Variants in ACSS3 observed in about 807,000 individuals in gnomAD.
The protein encoded by ACSS3 is acyl-CoA synthetase short-chain family member 3, mitochondrial.
In ACSS3, 64 loss-of-function variants were observed where a neutral mutation model predicts 84.2. That is an observed-to-expected ratio of 0.76 (90% CI 0.62 to 0.94). The LOEUF is 0.94. ACSS3 is among the 40% of genes least tolerant of loss of function. The probability of loss-of-function intolerance (pLI) is 0.00; values close to 1 mark genes in which losing one functional copy is unlikely to be tolerated. For synonymous variants in ACSS3, 317 were observed against 310.1 expected, an observed-to-expected ratio of 1.02 and a Z score of -0.23; for missense variants, 815 against 867.6, an observed-to-expected ratio of 0.94 and a Z score of 0.76.
intron 1 of ACSS3, 51 bp from the exon 2 acceptor site, chr12:81,109,509 C>A: frequency 6.4e-7 from 1 of 1,567,806 alleles, no homozygotes; most frequent in Non-Finnish European, 8.6e-7. Flanking sequence ...CATTAAGTGA[C>A]AATATATTTT....
intron 7 of ACSS3, among the ~76,000 whole-genome samples, chr12:81,173,589 C>A (rs1465274484): frequency 6.6e-6 from 1 of 152,024 alleles, no homozygotes; most frequent in Non-Finnish European, 1.5e-5. Context: ...CTATCTTATA[C>A]CTCATTTATA....
chr12:81,208,797 A>G (rs1228125134), intron 9 of ACSS3, among the ~76,000 whole-genome samples: 1 of 152,256 alleles, frequency 6.6e-6, no homozygotes, highest in African/African-American at 2.4e-5. Flanking sequence ...GCCTCCCGCA[A>G]GCTTTGCTCT....
At chr12:81,199,549 T>G in intron 9 of ACSS3, 105 bp downstream of exon 9, 2 of 1,463,198 alleles carry the variant, frequency 1.4e-6, no homozygotes, top group Non-Finnish European at 1.9e-6. Flanking sequence ...AGACACAAAC[T>G]CGGGATTCGA....
Position 81,120,129 on chromosome 12 carries a change from C to T in ACSS3, c.456+10425C>T, listed in dbSNP as rs12306166. 2.1e-3 allele frequency among the ~76,000 whole-genome samples: 317 copies of T among 152,252 alleles called. 1 individual carries two copies. The highest frequency in any genetic ancestry group is 7.5e-3 in the African/African-American group (311 of 41,546). ...TCCACAGGTGTCCCCTGAAGGTCTG[C>T]AGAAGATTTATCCAAGAGGTGGATT... is the stretch of plus-strand genomic sequence containing the variant. On this transcript the variant is annotated intron_variant, in intron 2 of 15. Transcript: ENST00000548058.
chr12:81,121,662 G>A lies in ACSS3; in HGVS notation c.456+11958G>A, dbSNP rs544861464. ...TATGACAATATTAATTTACTATAAT[G>A]AATGATATTGCTCTACTGGAGCTGA... On this transcript the variant is annotated intron_variant, in intron 2 of 15. Transcript: ENST00000548058. Among the ~76,000 whole-genome samples, 5 of 152,140 alleles carry A rather than the reference G, an allele frequency of 3.3e-5. No individual in the cohort carries two copies. The South Asian group carries it at 1.0e-3, about 32-fold the overall frequency.
At chr12:81,179,296 G>GAAAAA (rs1269398997) in intron 8 of ACSS3, among the ~76,000 whole-genome samples, 8 of 115,918 alleles carry the variant, frequency 6.9e-5, no homozygotes, top group Admixed American at 9.1e-5. Flanking sequence ...AAAAGAAAAA[G>GAAAAA]AAAAAAAAAA....
intron 2 of ACSS3, among the ~76,000 whole-genome samples, chr12:81,128,627 C>T (rs548952639): frequency 5.3e-5 from 8 of 152,218 alleles, no homozygotes; most frequent in East Asian, 1.9e-4. Flanking sequence ...ATTGGGTGAA[C>T]GGCACATGGT....
chr12:81,236,139 C>T (rs1259974832), intron 13 of ACSS3, among the ~76,000 whole-genome samples: 1 of 151,198 alleles, frequency 6.6e-6, no homozygotes, highest in Non-Finnish European at 1.5e-5. Context: ...TTTTGTATTT[C>T]TAATTTGCTG....
chr12:81,237,534 G>A (rs1399789777), intron 13 of ACSS3, among the ~76,000 whole-genome samples: 2 of 151,532 alleles, frequency 1.3e-5, no homozygotes, highest in Non-Finnish European at 3.0e-5. Context: ...CCTGATAAAT[G>A]TCTATTTTAA....
intron 7 of ACSS3, among the ~76,000 whole-genome samples, chr12:81,173,942 GAT>G (rs10540824): frequency 0.68 from 101,805 of 150,772 alleles, 34,458 homozygotes; most frequent in Non-Finnish European, 0.73. Context: ...ACGGATTTTG[GAT>G]ATATATATAT....
At chr12:81,166,963 C>T (rs990880489) in intron 7 of ACSS3, among the ~76,000 whole-genome samples, 19 of 152,202 alleles carry the variant, frequency 1.2e-4, no homozygotes, top group Admixed American at 1.1e-3. Flanking sequence ...ATTTGTCCCT[C>T]CAGTACAGGA....
chr12:81,079,753 T>A (rs1047009883), intron 1 of ACSS3, among the ~76,000 whole-genome samples: 2 of 152,228 alleles, frequency 1.3e-5, no homozygotes. Context: ...CTACCTGGTC[T>A]GAGTTTGGCT....
chr12:81,118,756 G>C (rs1354868447), intron 2 of ACSS3, among the ~76,000 whole-genome samples: 1 of 152,198 alleles, frequency 6.6e-6, no homozygotes, highest in African/African-American at 2.4e-5. Flanking sequence ...GTATTCCTCA[G>C]ACACATACTG....
At chr12:81,240,843 T>C (rs925385311) in intron 13 of ACSS3, among the ~76,000 whole-genome samples, 2 of 152,056 alleles carry the variant, frequency 1.3e-5, no homozygotes, top group African/African-American at 4.8e-5. Flanking sequence ...ATATTTCTTT[T>C]TTTTTATTAT....
intron 1 of ACSS3, among the ~76,000 whole-genome samples, chr12:81,091,927 C>T (rs1383081899): frequency 1.3e-5 from 2 of 152,040 alleles, no homozygotes; most frequent in Non-Finnish European, 2.9e-5. Flanking sequence ...TGCTAATGCT[C>T]ACTTGCCATG....
chr12:81,233,140 C>T (rs2033520553), intron 12 of ACSS3, among the ~76,000 whole-genome samples: 1 of 151,706 alleles, frequency 6.6e-6, no homozygotes, highest in Non-Finnish European at 1.5e-5. Context: ...TCTAAAAACA[C>T]TTCAACTTAT....
intron 13 of ACSS3, among the ~76,000 whole-genome samples, chr12:81,244,631 T>C (rs1424351788): frequency 6.6e-6 from 1 of 152,194 alleles, no homozygotes; most frequent in Admixed American, 6.5e-5. Context: ...CCAAGATTCT[T>C]CTTTCACCTA....
chr12:81,224,887 A>G (rs536563649), intron 11 of ACSS3, among the ~76,000 whole-genome samples: 221 of 151,988 alleles, frequency 1.5e-3, no homozygotes, highest in Non-Finnish European at 1.4e-3. Flanking sequence ...TAGGTGTTAC[A>G]GTGCTTGTGT....
At chr12:81,096,628 C>A (rs1027384597) in intron 1 of ACSS3, among the ~76,000 whole-genome samples, 2 of 152,044 alleles carry the variant, frequency 1.3e-5, no homozygotes, top group Admixed American at 1.3e-4. Flanking sequence ...CCTTGCCCCC[C>A]ACCCCCTGAC....
Sources: gnomAD v4.1 joint callset for allele counts (sites outside exome capture counted in the v4.1 genomes callset) on GRCh38, gnomAD v4.1.1 for gene constraint, MANE v1.5 for transcripts, NCBI Gene and HGNC (gene_info 2026-07-23, HGNC 2026-07-21) for gene names.